FAM171B: variants seen among roughly 807,000 people sequenced by gnomAD.
FAM171B encodes the protein protein FAM171B.
Under a neutral mutation model 75.6 loss-of-function variants are expected in FAM171B, and 19 were observed. That is an observed-to-expected ratio of 0.25 (90% CI 0.18 to 0.37). The LOEUF (loss-of-function observed/expected upper bound fraction) is 0.37, where lower values mean the gene tolerates loss of function less well. Among genes scored for constraint, FAM171B ranks in the 10% least tolerant of loss-of-function variants. The probability of loss-of-function intolerance (pLI) is 1.00; values close to 1 mark genes in which losing one functional copy is unlikely to be tolerated. For missense variants in FAM171B, 848 were observed against 982.4 expected, an observed-to-expected ratio of 0.86 and a Z score of 1.83; for synonymous variants, 367 against 361.7, an observed-to-expected ratio of 1.01 and a Z score of -0.17.
rs527313536 is a variant in FAM171B at position 186,763,757 on chromosome 2, G to C, written c.*934G>C. ...AAAAGTCGATGTGAAAGTTTCTTTT[G>C]AACACTAAAATAAAATATGTGCAGA... On this transcript the variant is annotated 3_prime_UTR_variant, in exon 8 of 8. Coordinates refer to ENST00000304698, the MANE Select transcript of FAM171B (RefSeq NM_177454.4). The C allele has an allele frequency of 6.6e-6, 1 of 151,988 alleles. No homozygotes were observed. The highest frequency in any genetic ancestry group is 2.1e-4 in the South Asian group (1 of 4,814). The allele number at this position is 151,988 out of a possible 1,614,324, so 9.4% of individuals were successfully genotyped here. A position where few individuals can be genotyped will look rare whatever the true frequency, so the allele number is the denominator to read the frequency against.
At chr2:186,748,044 T>G (rs1690394184) in intron 4 of FAM171B, among the ~76,000 whole-genome samples, 1 of 152,080 alleles carries the variant, frequency 6.6e-6, no homozygotes, top group South Asian at 2.1e-4. Flanking sequence ...TACCTAAGCC[T>G]CCCAAGTAGC....
intron 1 of FAM171B, among the ~76,000 whole-genome samples, chr2:186,708,178 G>A (rs905553033): frequency 6.6e-6 from 1 of 152,066 alleles, no homozygotes; most frequent in Admixed American, 6.6e-5. Context: ...ATCTTATGTA[G>A]GGAAAAGGCT....
chr2:186,699,440 A>T (rs1689626663), intron 1 of FAM171B, among the ~76,000 whole-genome samples: 1 of 152,126 alleles, frequency 6.6e-6, no homozygotes, highest in Non-Finnish European at 1.5e-5. Context: ...AGAAATATCT[A>T]TGCAGATCTT....
At chr2:186,724,561 T>C (rs994347595) in intron 1 of FAM171B, among the ~76,000 whole-genome samples, 6 of 152,210 alleles carry the variant, frequency 3.9e-5, no homozygotes, top group African/African-American at 1.2e-4. Flanking sequence ...TCAAAGGACA[T>C]TTGATTCCTT....
At position 186,764,153 on chromosome 2, in the gene FAM171B, A is replaced by G. The variant is rs189933113; in HGVS notation, c.*1330A>G. ...TTTCTTAAAATTTCCCTGAAGGCAA[A>G]TGTCTGAAGCACCTTTCCCTTGTGG... On this transcript the variant is annotated 3_prime_UTR_variant, in exon 8 of 8. Transcript: ENST00000304698. 2.0e-5 allele frequency: 3 copies of G among 152,198 alleles called. No individual in the cohort carries two copies. Among genetic ancestry groups the G allele is most frequent in the East Asian group, 1.9e-4 (1 of 5,190 alleles). The allele number at this position is 152,198 out of a possible 1,614,324, so 9.4% of individuals were successfully genotyped here. A position where few individuals can be genotyped will look rare whatever the true frequency, so the allele number is the denominator to read the frequency against.
rs768364592 is a variant in FAM171B, at chr2:186,740,265, C to T, written c.276C>T (p.Ile92=). The change falls in exon 2 of 8, where the codon ATC becomes ATT. Residue 92 remains isoleucine (I), a synonymous_variant. Transcript: ENST00000304698. ...VFMLKVQVND[I]ISRQYLSQAV... The stretch of plus-strand genomic sequence containing the variant: ...TGTTGAAAGTCCAGGTGAATGACAT[C>T]ATCAGTCGTCAGTACCTGAGCCAAG... 9.9e-6 allele frequency: 16 copies of T among 1,614,012 alleles called. No homozygotes were observed. The highest frequency in any genetic ancestry group is 1.4e-5 in the Non-Finnish European group (16 of 1,179,930).
intron 4 of FAM171B, among the ~76,000 whole-genome samples, chr2:186,749,402 C>T (rs1269577791): frequency 6.6e-6 from 1 of 152,106 alleles, no homozygotes; most frequent in East Asian, 1.9e-4. Context: ...GAAAGCCAGC[C>T]AACTGGTTTT....
chr2:186,718,564 A>G (rs1381159897), intron 1 of FAM171B, among the ~76,000 whole-genome samples: 2 of 152,142 alleles, frequency 1.3e-5, no homozygotes, highest in African/African-American at 2.4e-5. Context: ...TGTTTGTATA[A>G]TTTTGTATGC....
chr2:186,727,674 G>T (rs1690056518), intron 1 of FAM171B, among the ~76,000 whole-genome samples: 1 of 152,062 alleles, frequency 6.6e-6, no homozygotes, highest in Admixed American at 6.6e-5. Flanking sequence ...GGGGAAAAAC[G>T]ACTGGAAAGG....
At position 186,704,365 on chromosome 2, in the gene FAM171B, C is replaced by T. The variant is rs748325151; in HGVS notation, c.238+9954C>T. Among the ~76,000 whole-genome samples, 116 of 152,092 alleles carry T rather than the reference C, an allele frequency of 7.6e-4. 1 individual carries two copies. Among genetic ancestry groups the T allele is most frequent in the African/African-American group, 2.6e-3 (109 of 41,516 alleles). On this transcript the variant is annotated intron_variant, in intron 1 of 7. Transcript: ENST00000304698. ...TAAAAAAACAGAAGTATTCCCTTCC[C>T]GGGTTATACTAATATCTATGCTTTA...
Position 186,762,745 on chromosome 2 carries a change from AC to A in FAM171B, c.2405del (p.Pro802HisfsTer3), listed in dbSNP as rs1404326511. The part of the protein sequence containing the change: ...NTSPTKRRGR[P>X]PLAKRDSKTN... Reference sequence around the variant, plus strand: ...CATCCCCCACTAAAAGAAGGGGCAGACCACCACTAGCCAAAAGAGATAGCAA... The same window carrying A: ...CATCCCCCACTAAAAGAAGGGGCAGACACCACTAGCCAAAAGAGATAGCAA... On this transcript the variant is annotated frameshift_variant, in exon 8 of 8. Coordinates refer to ENST00000304698, the MANE Select transcript of FAM171B (RefSeq NM_177454.4). LOFTEE classifies it high-confidence loss of function. The surrounding 1 kb of genome is among the most constrained non-coding windows in gnomAD (Gnocchi z 4.0). The A allele has an allele frequency of 1.9e-6, 3 of 1,613,252 alleles. No individual in the cohort carries two copies. The African/African-American group carries it at 4.0e-5, about 22-fold the overall frequency.
intron 1 of FAM171B, among the ~76,000 whole-genome samples, chr2:186,738,385 G>C (rs1690235699): frequency 6.6e-6 from 1 of 152,116 alleles, no homozygotes; most frequent in African/African-American, 2.4e-5. Context: ...GCTCTCGGTG[G>C]AGAGGGGACC....
chr2:186,743,096 A>G (rs1027215440), intron 2 of FAM171B, among the ~76,000 whole-genome samples: 8 of 152,214 alleles, frequency 5.3e-5, no homozygotes, highest in Non-Finnish European at 8.8e-5. Flanking sequence ...AGCTTGAATC[A>G]TGGAGCCAAG....
At chr2:186,742,733 T>C (rs1405944934) in intron 2 of FAM171B, among the ~76,000 whole-genome samples, 1 of 152,282 alleles carries the variant, frequency 6.6e-6, no homozygotes, top group African/African-American at 2.4e-5. Context: ...TTTTGGAGGA[T>C]TGAGAACTCC....
At chr2:186,703,189 C>T (rs1689688034) in intron 1 of FAM171B, among the ~76,000 whole-genome samples, 1 of 152,072 alleles carries the variant, frequency 6.6e-6, no homozygotes, top group South Asian at 2.1e-4. Flanking sequence ...AAGCGATTCT[C>T]ATGCCTCAGC....
In FAM171B at chr2:186,751,354, T is replaced by C. The variant is rs760033904; in HGVS notation, c.895+50T>C. 3 of 1,426,690 alleles carry C rather than the reference T, an allele frequency of 2.1e-6. No individual in the cohort carries two copies. In the East Asian group the frequency reaches 7.0e-5, roughly 33 times the overall value. 88.4% of individuals were successfully genotyped at this position (1,426,690 alleles called of 1,614,324 possible). A position where few individuals can be genotyped will look rare whatever the true frequency, so the allele number is the denominator to read the frequency against. On this transcript the variant is annotated intron_variant, in intron 5 of 7. Coordinates refer to ENST00000304698, the MANE Select transcript of FAM171B (RefSeq NM_177454.4). ...CTGAATATTTTACATATTTGTCAATTGACTAGCTGGATGTTTTATCTTAGA... is the reference window on the plus strand; with the variant it reads ...CTGAATATTTTACATATTTGTCAATCGACTAGCTGGATGTTTTATCTTAGA...
chr2:186,756,926 G>A (rs538726009), intron 6 of FAM171B, among the ~76,000 whole-genome samples: 6 of 152,218 alleles, frequency 3.9e-5, no homozygotes, highest in African/African-American at 1.4e-4. Flanking sequence ...CAGATAAAGA[G>A]CAGATGAAGA....
intron 2 of FAM171B, among the ~76,000 whole-genome samples, chr2:186,743,075 A>G (rs1486411089): frequency 6.6e-6 from 1 of 152,172 alleles, no homozygotes; most frequent in Non-Finnish European, 1.5e-5. Flanking sequence ...GATATAGTTT[A>G]TATCTAGAGA....
intron 1 of FAM171B, among the ~76,000 whole-genome samples, chr2:186,712,509 A>G (rs1418027159): frequency 1.3e-5 from 2 of 152,178 alleles, no homozygotes; most frequent in African/African-American, 4.8e-5. Flanking sequence ...AGTTTGGGGT[A>G]AATGCTGATG....
Sources: allele counts gnomAD v4.1 joint callset (sites outside exome capture counted in the v4.1 genomes callset), GRCh38; gene constraint gnomAD v4.1.1; non-coding constraint Gnocchi (gnomAD v3.1); transcripts MANE v1.5; gene names NCBI Gene and HGNC (gene_info 2026-07-23, HGNC 2026-07-21).